Variants in FANCL observed in about 807,000 individuals in gnomAD.
FANCL encodes the protein E3 ubiquitin-protein ligase FANCL.
FANCL carries 69 observed loss-of-function variants against 59.4 expected under a neutral mutation model. The ratio of observed to expected loss-of-function variants is 1.16; its 90% confidence interval spans 0.96 to 1.42. The LOEUF (loss-of-function observed/expected upper bound fraction) is 1.42. Ranked by LOEUF, FANCL falls within the 40% of genes most tolerant of loss-of-function variation. The pLI is 0.00. For synonymous variants in FANCL, 180 were observed against 147.1 expected (o/e 1.22, Z -1.62); for missense variants, 519 against 447.2 (o/e 1.16, Z -1.45).
intron 7 of FANCL, among the ~76,000 whole-genome samples, chr2:58,178,919 G>A (rs1245243391): frequency 1.3e-5 from 2 of 152,048 alleles, no homozygotes; most frequent in African/African-American, 4.8e-5. Context: ...AAAATCACAA[G>A]CATTCTTATA....
intron 7 of FANCL, among the ~76,000 whole-genome samples, chr2:58,175,091 T>C (rs920392677): frequency 2.7e-5 from 4 of 150,162 alleles, no homozygotes; most frequent in Admixed American, 1.3e-4. Flanking sequence ...CAGGAAGAAG[T>C]TGAATCTCTG....
chr2:58,221,729 T>C (rs916813270), intron 5 of FANCL, among the ~76,000 whole-genome samples: 2 of 152,182 alleles, frequency 1.3e-5, no homozygotes, highest in Admixed American at 1.3e-4. Context: ...AAAAATGTCA[T>C]TTTTTCCAAA....
At chr2:58,208,658 A>G (rs1690823774) in intron 5 of FANCL, among the ~76,000 whole-genome samples, 1 of 152,192 alleles carries the variant, frequency 6.6e-6, no homozygotes, top group African/African-American at 2.4e-5. Context: ...GAAGACCTTC[A>G]TGTTTGAATA....
chr2:58,220,451 G>A (rs1416847132), intron 5 of FANCL, among the ~76,000 whole-genome samples: 1 of 152,148 alleles, frequency 6.6e-6, no homozygotes, highest in Non-Finnish European at 1.5e-5. Context: ...AGCCTTTTAA[G>A]GAATATAAAG....
At position 58,223,388 on chromosome 2, in the gene FANCL, CTTCT is replaced by C. The variant is rs1326890316; in HGVS notation, c.274-1350_274-1347del. 3.9e-5 allele frequency among the ~76,000 whole-genome samples: 6 copies of C among 151,980 alleles called. 1 individual carries two copies. The South Asian group carries it at 8.3e-4, about 21-fold the overall frequency. On this transcript the variant is annotated intron_variant, in intron 4 of 13. Coordinates refer to ENST00000233741, the MANE Select transcript of FANCL (RefSeq NM_018062.4). ...TAAAATGCATTAATATAGTATAGTA[CTTCT>C]TTCAAGATTTGTTTTTATTCTGAAA...
At chr2:58,212,548 A>G (rs1035781143) in intron 5 of FANCL, among the ~76,000 whole-genome samples, 1 of 152,240 alleles carries the variant, frequency 6.6e-6, no homozygotes, top group Non-Finnish European at 1.5e-5. Flanking sequence ...AATGGTATGC[A>G]TGATAAGCTA....
At chr2:58,204,065 G>A in intron 6 of FANCL, 65 bp downstream of exon 6, 1 of 1,157,250 alleles carries the variant, frequency 8.6e-7, no homozygotes, top group South Asian at 1.2e-5. Flanking sequence ...TACATTGAGA[G>A]CATTCACAGA....
intron 5 of FANCL, among the ~76,000 whole-genome samples, chr2:58,219,676 T>C (rs2103709970): frequency 6.6e-6 from 1 of 152,178 alleles, no homozygotes; most frequent in African/African-American, 2.4e-5. Flanking sequence ...AAGATTAGCA[T>C]ACAGAAATAT....
chr2:58,169,837 GA>G (rs1686371932), intron 7 of FANCL, among the ~76,000 whole-genome samples: 1 of 152,024 alleles, frequency 6.6e-6, no homozygotes. Flanking sequence ...AATAAAGTGT[GA>G]AGACAAGATT....
At chr2:58,166,011 T>C in intron 7 of FANCL, 137 bp from the exon 8 acceptor site, 1 of 782,462 alleles carries the variant, frequency 1.3e-6, no homozygotes, top group Non-Finnish European at 2.1e-6. Context: ...TAAACAGTAG[T>C]CGACTCTCCC....
Position 58,159,447 on chromosome 2 carries a change from C to T in FANCL, c.*318G>A. The T allele has an allele frequency of 6.2e-7, 1 of 1,613,592 alleles. No individual in the cohort carries two copies. The highest frequency in any genetic ancestry group is 8.5e-7 in the Non-Finnish European group (1 of 1,179,698). On this transcript the variant is annotated 3_prime_UTR_variant, in exon 14 of 14. Coordinates refer to ENST00000233741, the MANE Select transcript of FANCL (RefSeq NM_018062.4). ...AAATCAGCTATACACAATTCCCAAA[C>T]TCATTTTATGAGCCTCATCAAGATT...
At chr2:58,164,331 G>T (rs950174371) in intron 8 of FANCL, among the ~76,000 whole-genome samples, 1 of 151,964 alleles carries the variant, frequency 6.6e-6, no homozygotes, top group African/African-American at 2.4e-5. Flanking sequence ...CATAAATGCA[G>T]TTATTGCATA....
intron 3 of FANCL, among the ~76,000 whole-genome samples, chr2:58,228,804 T>G (rs1008817953): frequency 5.9e-5 from 9 of 152,198 alleles, no homozygotes; most frequent in African/African-American, 2.2e-4. Flanking sequence ...TAATTGGGAT[T>G]TTTTTCTAGG....
chr2:58,237,148 A>G (rs2103996718), intron 1 of FANCL, among the ~76,000 whole-genome samples: 1 of 152,228 alleles, frequency 6.6e-6, no homozygotes, highest in South Asian at 2.1e-4. Flanking sequence ...ATAATACTCT[A>G]CCCAATAGCA....
chr2:58,172,474 T>G (rs1418771238), intron 7 of FANCL, among the ~76,000 whole-genome samples: 1 of 152,190 alleles, frequency 6.6e-6, no homozygotes, highest in African/African-American at 2.4e-5. Flanking sequence ...CCACCGCTAC[T>G]GGTACCCAGG....
Position 58,179,506 on chromosome 2 carries a change from C to T in FANCL, c.541-13632G>A, listed in dbSNP as rs553485043. Among the ~76,000 whole-genome samples the T allele has an allele frequency of 5.1e-3, 781 of 152,102 alleles. 9 individuals carry two copies. The highest frequency in any genetic ancestry group is 0.017 in the African/African-American group (724 of 41,516). The stretch of plus-strand genomic sequence containing the variant: ...GGGAAAGGATTCCCTATTTATTAAA[C>T]GGTGTTGGGAAAACTGGCTAGCCAT... On this transcript the variant is annotated intron_variant, in intron 7 of 13. Transcript: ENST00000233741.
At chr2:58,211,312 G>A (rs2105201923) in intron 5 of FANCL, among the ~76,000 whole-genome samples, 1 of 152,338 alleles carries the variant, frequency 6.6e-6, no homozygotes, top group East Asian at 1.9e-4. Flanking sequence ...CACGGCCCAA[G>A]CTCTACACTG....
chr2:58,190,803 C>T (rs1688853719), intron 7 of FANCL, among the ~76,000 whole-genome samples: 1 of 151,886 alleles, frequency 6.6e-6, no homozygotes, highest in Non-Finnish European at 1.5e-5. Flanking sequence ...CTACTATTTA[C>T]AAACTCCAAT....
intron 5 of FANCL, among the ~76,000 whole-genome samples, chr2:58,217,213 T>TACAC (rs1691912961): frequency 1.3e-4 from 1 of 7,734 alleles, no homozygotes; most frequent in African/African-American, 5.0e-4. Context: ...TATATATATA[T>TACAC]ATACACACAC....
Sources: allele counts gnomAD v4.1 joint callset (sites outside exome capture counted in the v4.1 genomes callset), GRCh38; gene constraint gnomAD v4.1.1; transcripts MANE v1.5; gene names NCBI Gene and HGNC (gene_info 2026-07-23, HGNC 2026-07-21).